CSNK2A1: variants seen among roughly 807,000 people sequenced by gnomAD.
CSNK2A1 encodes casein kinase 2 alpha 1, also known as casein kinase II subunit alpha.
CSNK2A1 carries 10 observed loss-of-function variants against 62.9 expected under a neutral mutation model. The observed-to-expected ratio is 0.16, with a 90% CI of 0.10 to 0.27. The LOEUF is 0.27. Ranked by LOEUF, CSNK2A1 falls within the 10% of genes least tolerant of loss-of-function variation. The probability of loss-of-function intolerance (pLI) is 1.00; values close to 1 mark genes in which losing one functional copy is unlikely to be tolerated. For synonymous variants in CSNK2A1, 124 were observed against 167.8 expected (o/e 0.74, Z 2.02); for missense variants, 160 against 492.0 (o/e 0.33, Z 6.38).
chr20:488,447 A>C (rs1464540730), intron 11 of CSNK2A1: 2 of 420,226 alleles, frequency 4.8e-6, no homozygotes, highest in Non-Finnish European at 8.5e-6. Flanking sequence ...TTTTGTAGGA[A>C]TCCTCTAGCT....
At chr20:495,872 T>G (rs2018337613) in intron 7 of CSNK2A1, 70 bp from the exon 8 acceptor site, 1 of 1,402,148 alleles carries the variant, frequency 7.1e-7, no homozygotes, top group African/African-American at 1.4e-5. Flanking sequence ...TTTCCCTCCA[T>G]GTAAATTTTC....
At chr20:495,556 G>C (rs760778642) in intron 8 of CSNK2A1, 163 bp downstream of exon 8, 4 of 561,926 alleles carry the variant, frequency 7.1e-6, no homozygotes, top group Non-Finnish European at 1.3e-5. Context: ...TATAAATAAT[G>C]GTTCAAACAT....
At chr20:518,466 T>C (rs2122599759) in intron 2 of CSNK2A1, among the ~76,000 whole-genome samples, 1 of 152,334 alleles carries the variant, frequency 6.6e-6, no homozygotes, top group East Asian at 1.9e-4. Context: ...CATGCATACC[T>C]GATATAAGCA....
At chr20:485,115 T>TAATAATAATAATA (rs1568496757) in intron 13 of CSNK2A1, among the ~76,000 whole-genome samples, 1 of 49,012 alleles carries the variant, frequency 2.0e-5, no homozygotes, top group African/African-American at 9.0e-5. Context: ...AAAAAATATA[T>TAATAATAATAATA]ATATATATAT....
intron 2 of CSNK2A1, among the ~76,000 whole-genome samples, chr20:527,404 T>C (rs558696367): frequency 3.3e-5 from 5 of 152,226 alleles, no homozygotes; most frequent in Non-Finnish European, 7.3e-5. Flanking sequence ...TTCAAAACAT[T>C]TGTTTAAACT....
At chr20:486,093 A>C (rs188768274) in intron 13 of CSNK2A1, among the ~76,000 whole-genome samples, 10 of 152,352 alleles carry the variant, frequency 6.6e-5, no homozygotes, top group Admixed American at 5.9e-4. Context: ...TCAAACTATA[A>C]GATGAAATGG....
intron 6 of CSNK2A1, chr20:498,335 C>CT (rs11477158): frequency 0.017 from 2,047 of 119,596 alleles, 45 homozygotes; most frequent in African/African-American, 0.033. Flanking sequence ...ATGGACATAT[C>CT]TTTTTTTTTT....
intron 2 of CSNK2A1, among the ~76,000 whole-genome samples, chr20:509,218 C>T (rs1420116225): frequency 6.6e-6 from 1 of 152,154 alleles, no homozygotes; most frequent in Non-Finnish European, 1.5e-5. Context: ...AGGTAATAAT[C>T]AGTAGAACCT....
intron 4 of CSNK2A1, chr20:500,809 T>TG (rs2018450506): frequency 4.6e-5 from 7 of 151,804 alleles, no homozygotes; most frequent in Non-Finnish European, 1.0e-4. Flanking sequence ...AGGCTAATTT[T>TG]TGTATTTTTA....
intron 8 of CSNK2A1, 48 bp downstream of exon 8, chr20:495,671 T>C: frequency 6.5e-7 from 1 of 1,530,624 alleles, no homozygotes; most frequent in South Asian, 1.1e-5. Context: ...AGATGGGCAA[T>C]TAGCTACATC....
At chr20:524,644 C>T (rs1304915519) in intron 2 of CSNK2A1, among the ~76,000 whole-genome samples, 21 of 138,468 alleles carry the variant, frequency 1.5e-4, no homozygotes, top group Admixed American at 1.5e-4. Context: ...GCTGGAGAAT[C>T]GCTTGAACCT....
At chr20:488,836 C>T (rs2122510220) in intron 10 of CSNK2A1, 58 bp from the exon 11 acceptor site, 1 of 1,458,248 alleles carries the variant, frequency 6.9e-7, no homozygotes, top group Non-Finnish European at 9.5e-7. Flanking sequence ...AACAAATCAA[C>T]AATTAACAAT....
At position 486,598 on chromosome 20, in the gene CSNK2A1, G is replaced by C. The variant is rs865955240; in HGVS notation, c.974-136C>G. 24 of 827,392 alleles carry C rather than the reference G, an allele frequency of 2.9e-5. No individual in the cohort carries two copies. In the Middle Eastern group the frequency reaches 5.9e-3, roughly 204 times the overall value. The allele number at this position is 827,392 out of a possible 1,614,324, so 51.3% of individuals were successfully genotyped here. ...ATTATTCCCCAAAGAACTTAAGGTG[G>C]CAATTGCCTTCACCATGAATTAGAC... On this transcript the variant is annotated intron_variant, in intron 12 of 13. Transcript: ENST00000217244.
Position 482,678 on chromosome 20 carries a change from G to A in CSNK2A1, c.*1283C>T, listed in dbSNP as rs879240934. On this transcript the variant is annotated 3_prime_UTR_variant, in exon 14 of 14. Transcript: ENST00000217244. ...CCACCCAGCAAGACCTTTACACAGGGAACTTAAATCTAACCTTGATAAATA... is the reference window on the plus strand; with the variant it reads ...CCACCCAGCAAGACCTTTACACAGGAAACTTAAATCTAACCTTGATAAATA... 1.3e-5 allele frequency: 2 copies of A among 152,618 alleles called. No homozygotes were observed. The highest frequency in any genetic ancestry group is 4.1e-4 in the South Asian group (2 of 4,830). 9.5% of individuals were successfully genotyped at this position (152,618 alleles called of 1,614,324 possible).
rs957863785 is a variant in CSNK2A1 at position 521,949 on chromosome 20, C to T, written c.-110+5984G>A. On this transcript the variant is annotated intron_variant, in intron 2 of 13. Transcript: ENST00000217244. Reference sequence around the variant, plus strand: ...CAAAAGCCTACATATTGTATACTTCCATTTATATCAGGGGTCCCCAATCCC... The same window carrying T: ...CAAAAGCCTACATATTGTATACTTCTATTTATATCAGGGGTCCCCAATCCC... 3.8e-4 allele frequency among the ~76,000 whole-genome samples: 58 copies of T among 152,308 alleles called. 1 individual carries two copies. The highest frequency in any genetic ancestry group is 3.4e-4 in the Non-Finnish European group (23 of 68,022).
intron 4 of CSNK2A1, chr20:503,303 CT>C: frequency 2.5e-6 from 1 of 392,748 alleles, no homozygotes; most frequent in East Asian, 3.6e-5. Flanking sequence ...TGCCACCATG[CT>C]CAGCCAACAT....
chr20:499,238 T>C lies in CSNK2A1; in HGVS notation c.366+17A>G. On this transcript the variant is annotated intron_variant, in intron 6 of 13. Coordinates refer to ENST00000217244, the MANE Select transcript of CSNK2A1 (RefSeq NM_177559.3). The surrounding 1 kb of genome is among the most constrained non-coding windows in gnomAD (Gnocchi z 4.2). ...CTAAAAACCCACTAGCCCGAAACAG[T>C]TGGTTATATATTATACCTTGAAGTC... 1 of 1,584,652 alleles carries C rather than the reference T, an allele frequency of 6.3e-7. No homozygotes were observed. The highest frequency in any genetic ancestry group is 8.6e-7 in the Non-Finnish European group (1 of 1,165,088).
rs369699834 is a variant in CSNK2A1 at position 508,567 on chromosome 20, G to A, written c.-16C>T. On this transcript the variant is annotated 5_prime_UTR_variant, in exon 3 of 14. Transcript: ENST00000217244. ...GTCCCGACATGTCAGACAGGTTGGC[G>A]GACAAAGCTGGACTTGATGTTTGGA... The A allele has an allele frequency of 1.1e-4, 175 of 1,598,050 alleles. No individual in the cohort carries two copies. Among genetic ancestry groups the A allele is most frequent in the Admixed American group, 6.6e-4 (39 of 59,244 alleles).
intron 1 of CSNK2A1, among the ~76,000 whole-genome samples, chr20:536,914 C>T (rs2019344327): frequency 6.6e-6 from 1 of 152,040 alleles, no homozygotes; most frequent in Non-Finnish European, 1.5e-5. Context: ...AATTCAATAA[C>T]CCAAAATGAC....
Sources: gnomAD v4.1 joint callset for allele counts (sites outside exome capture counted in the v4.1 genomes callset) on GRCh38, gnomAD v4.1.1 for gene constraint, Gnocchi (gnomAD v3.1) non-coding constraint, MANE v1.5 for transcripts, NCBI Gene and HGNC (gene_info 2026-07-23, HGNC 2026-07-21) for gene names.